FAM118A: variants seen among roughly 807,000 people sequenced by gnomAD.
FAM118A encodes SIR2 antiphage like 2, also known as protein FAM118A.
FAM118A carries 25 observed loss-of-function variants against 38.2 expected under a neutral mutation model. The ratio of observed to expected loss-of-function variants is 0.65; its 90% CI spans 0.48 to 0.91. The LOEUF (loss-of-function observed/expected upper bound fraction) is 0.91, where lower values mean the gene tolerates loss of function less well. Among genes scored for constraint, FAM118A ranks in the 40% least tolerant of loss-of-function variants. FAM118A has a pLI of 0.00. For missense variants in FAM118A, 425 were observed against 463.3 expected, an observed-to-expected ratio of 0.92 and a Z score of 0.76; for synonymous variants, 178 against 184.1, an observed-to-expected ratio of 0.97 and a Z score of 0.27.
intron 1 of FAM118A, chr22:45,321,638 A>G (rs565921518): frequency 1.4e-4 from 21 of 153,142 alleles, no homozygotes; most frequent in African/African-American, 4.8e-4. Flanking sequence ...GCCGGTCTTG[A>G]ACTCCTGAGT....
intron 1 of FAM118A, among the ~76,000 whole-genome samples, chr22:45,315,092 A>G (rs749444055): frequency 1.3e-5 from 2 of 152,210 alleles, no homozygotes; most frequent in African/African-American, 2.4e-5. Context: ...GGCAGTAATT[A>G]ATGTTGCTCT....
chr22:45,325,417 G>A (rs545964126), intron 3 of FAM118A, among the ~76,000 whole-genome samples: 15 of 152,212 alleles, frequency 9.9e-5, no homozygotes, highest in African/African-American at 3.6e-4. Context: ...GGGCTTGCAA[G>A]TGTATTGGGG....
chr22:45,334,942 T>C, intron 6 of FAM118A: 1 of 180,860 alleles, frequency 5.5e-6, no homozygotes, highest in South Asian at 1.6e-4. Flanking sequence ...CCACTGAGCC[T>C]CCCTTTCCAG....
chr22:45,331,896 C>T (rs995540601), intron 5 of FAM118A, among the ~76,000 whole-genome samples: 5 of 112,622 alleles, frequency 4.4e-5, no homozygotes, highest in Non-Finnish European at 8.0e-5. Context: ...GGTCACTGAT[C>T]CCCTCCTCAG....
chr22:45,326,403 A>G (rs1569137994), intron 3 of FAM118A, among the ~76,000 whole-genome samples: 1 of 152,164 alleles, frequency 6.6e-6, no homozygotes, highest in Non-Finnish European at 1.5e-5. Context: ...ATGCGGCACT[A>G]CGGGCCAGGT....
Position 45,341,247 on chromosome 22 carries a change from G to A in FAM118A, c.*842G>A, listed in dbSNP as rs750102464. ...TTAGGGAGAACAGCTGGATCAAAAG[G>A]GCTTCTTTGGAATTAGGTTGTTTTA... is the stretch of plus-strand genomic sequence containing the variant. On this transcript the variant is annotated 3_prime_UTR_variant, in exon 9 of 9. Transcript: ENST00000441876. 17 of 152,174 alleles carry A rather than the reference G, an allele frequency of 1.1e-4. No homozygotes were observed. Among genetic ancestry groups the A allele is most frequent in the Non-Finnish European group, 1.8e-4 (12 of 68,030 alleles). 9.4% of individuals were successfully genotyped at this position (152,174 alleles called of 1,614,324 possible).
intron 1 of FAM118A, among the ~76,000 whole-genome samples, chr22:45,313,583 A>T (rs1312947882): frequency 1.3e-5 from 2 of 152,164 alleles, no homozygotes; most frequent in East Asian, 3.9e-4. Flanking sequence ...TCGGCCTCCC[A>T]AAGTGCTGGG....
intron 6 of FAM118A, among the ~76,000 whole-genome samples, chr22:45,333,616 G>T (rs1337368963): frequency 6.6e-6 from 1 of 150,560 alleles, no homozygotes; most frequent in Non-Finnish European, 1.5e-5. Context: ...AGAGCTTGCA[G>T]TGAGCCAAGA....
intron 4 of FAM118A, chr22:45,330,361 C>A: frequency 3.8e-6 from 1 of 259,746 alleles, no homozygotes; most frequent in Non-Finnish European, 7.2e-6. Flanking sequence ...GCATGACTGG[C>A]GCTAACAGCC....
chr22:45,335,998 C>T (rs1004805119), intron 7 of FAM118A, among the ~76,000 whole-genome samples: 11 of 152,188 alleles, frequency 7.2e-5, no homozygotes, highest in Admixed American at 4.6e-4. Flanking sequence ...TGGCCCAGCG[C>T]GTTCACAGAT....
chr22:45,338,361 C>T (rs2086247210), intron 8 of FAM118A, among the ~76,000 whole-genome samples: 1 of 152,144 alleles, frequency 6.6e-6, no homozygotes. Context: ...TCCTGAGCAG[C>T]TGGGACTACA....
chr22:45,336,087 C>T (rs1292198690), intron 7 of FAM118A, among the ~76,000 whole-genome samples: 3 of 152,218 alleles, frequency 2.0e-5, no homozygotes, highest in African/African-American at 4.8e-5. Flanking sequence ...CCGCCGCAGT[C>T]GGCTCCCCGT....
rs2146687030 is a variant in FAM118A at position 45,330,600 on chromosome 22, T to A, written c.523-3T>A. 1 of 1,535,540 alleles carries A rather than the reference T, an allele frequency of 6.5e-7. No individual in the cohort carries two copies. Among genetic ancestry groups the A allele is most frequent in the Non-Finnish European group, 8.7e-7 (1 of 1,145,220 alleles). The stretch of plus-strand genomic sequence containing the variant: ...TTCTTTTTCTTGGCTTGATGTTTGG[T>A]AGGTCCTTGAATGGGCAAGAGGGCA... On this transcript the variant is annotated splice_region_variant and splice_polypyrimidine_tract_variant and intron_variant, in intron 4 of 8. Transcript: ENST00000441876.
chr22:45,325,666 G>C (rs74481430), intron 3 of FAM118A, among the ~76,000 whole-genome samples: 11,568 of 152,222 alleles, frequency 0.076, 509 homozygotes, highest in East Asian at 0.14. Flanking sequence ...TAACGATAAG[G>C]CCTTGGGGGC....
intron 6 of FAM118A, chr22:45,334,956 G>T: frequency 5.3e-6 from 1 of 188,760 alleles, no homozygotes; most frequent in Non-Finnish European, 1.1e-5. Flanking sequence ...TTTCCAGGTT[G>T]GGGCAGGCAA....
At position 45,314,522 on chromosome 22, in the gene FAM118A, G is replaced by T. The variant is rs374616479; in HGVS notation, c.-10+4339G>T. 5.1e-4 allele frequency among the ~76,000 whole-genome samples: 77 copies of T among 152,326 alleles called. 2 individuals carry two copies. In the South Asian group the frequency reaches 0.015, roughly 30 times the overall value. ...TATAGCTTGTTCCCAGCCCCGTGGGGGAAGTTGACAAAGTCACTGTCTCTT... is the reference window on the plus strand; with the variant it reads ...TATAGCTTGTTCCCAGCCCCGTGGGTGAAGTTGACAAAGTCACTGTCTCTT... On this transcript the variant is annotated intron_variant, in intron 1 of 8. Transcript: ENST00000441876.
At chr22:45,332,857 C>A in intron 6 of FAM118A, 147 bp downstream of exon 6, 1 of 798,226 alleles carries the variant, frequency 1.3e-6, no homozygotes, top group Non-Finnish European at 1.9e-6. Flanking sequence ...AGGGATTCTG[C>A]CTCAGCCTTC....
chr22:45,323,137 T>G (rs746559033), intron 2 of FAM118A, 38 bp from the exon 3 acceptor site: 1 of 1,601,562 alleles, frequency 6.2e-7, no homozygotes, highest in Non-Finnish European at 8.5e-7. Flanking sequence ...ATGTTTCCGC[T>G]TTGACTTTCA....
Position 45,312,275 on chromosome 22 carries a change from C to A in FAM118A, c.-10+2092C>A, listed in dbSNP as rs778572942. 3.3e-5 allele frequency among the ~76,000 whole-genome samples: 5 copies of A among 152,236 alleles called. No homozygotes were observed. In the East Asian group the frequency reaches 7.7e-4, roughly 24 times the overall value. On this transcript the variant is annotated intron_variant, in intron 1 of 8. Coordinates refer to ENST00000441876, the MANE Select transcript of FAM118A (RefSeq NM_017911.4). ...AATCTCGCAAGTTGAGGGCTCAGTC[C>A]CCCAAGACTGCCCTCCACCCCTTCG... is the stretch of plus-strand genomic sequence containing the variant.
Sources: gnomAD v4.1 joint callset for allele counts (sites outside exome capture counted in the v4.1 genomes callset) on GRCh38, gnomAD v4.1.1 for gene constraint, MANE v1.5 for transcripts, NCBI Gene and HGNC (gene_info 2026-07-23, HGNC 2026-07-21) for gene names.